LIMD1: variants seen among roughly 807,000 people sequenced by gnomAD.
The protein encoded by LIMD1 is LIM domain-containing protein 1.
LIMD1 carries 23 observed loss-of-function variants against 58.4 expected under a neutral mutation model. The ratio of observed to expected loss-of-function variants is 0.39; its 90% CI spans 0.28 to 0.56. LIMD1 has a LOEUF of 0.56. Among genes scored for constraint, LIMD1 ranks in the 20% least tolerant of loss-of-function variants. The pLI, the probability that LIMD1 is intolerant of heterozygous loss-of-function variation, is 0.57. For synonymous variants in LIMD1, 334 were observed against 345.5 expected (o/e 0.97, Z 0.37); for missense variants, 838 against 855.5 (o/e 0.98, Z 0.25).
At position 45,668,336 on chromosome 3, in the gene LIMD1, G is replaced by T; in HGVS notation, c.1621G>T (p.Gly541Ter). 6.2e-7 allele frequency: 1 copy of T among 1,612,708 alleles called. No homozygotes were observed. The highest frequency in any genetic ancestry group is 2.2e-5 in the East Asian group (1 of 44,854). ...GTCGGCTGACAGGTGTTTTCTTTGT[G>T]GACATCTGATCATGGACATGGTGAG... is the stretch of plus-strand genomic sequence containing the variant. Reference protein sequence around the residue: ...QQSADRCFLCGHLIMDMILQA... With the variant: ...QQSADRCFLC Residue 541 changes from glycine (G) to a stop codon, truncating the protein, a stop_gained, in exon 4 of 8, where the codon GGA (glycine) becomes TGA (stop). Coordinates refer to ENST00000273317, the MANE Select transcript of LIMD1 (RefSeq NM_014240.3). LOFTEE classifies it high-confidence loss of function.
In LIMD1 at chr3:45,671,983, T is replaced by G. The variant is rs185282267; in HGVS notation, c.1642-707T>G. Among the ~76,000 whole-genome samples, 7 of 152,336 alleles carry G rather than the reference T, an allele frequency of 4.6e-5. No individual in the cohort carries two copies. In the East Asian group the frequency reaches 1.2e-3, roughly 25 times the overall value. On this transcript the variant is annotated intron_variant, in intron 4 of 7. Transcript: ENST00000273317. Reference sequence around the variant, plus strand: ...GGGTCTGTCCTGGTTTCAGGTTGGCTCTGGCAGTTCCAGGTATCCCATCCA... The same window carrying G: ...GGGTCTGTCCTGGTTTCAGGTTGGCGCTGGCAGTTCCAGGTATCCCATCCA...
intron 1 of LIMD1, among the ~76,000 whole-genome samples, chr3:45,612,711 T>C (rs1183481384): frequency 6.6e-6 from 1 of 152,212 alleles, no homozygotes; most frequent in Non-Finnish European, 1.5e-5. Context: ...CAATTCTGAT[T>C]TTTTAAAATC....
chr3:45,606,677 A>C (rs1701470796), intron 1 of LIMD1, among the ~76,000 whole-genome samples: 1 of 152,214 alleles, frequency 6.6e-6, no homozygotes, highest in African/African-American at 2.4e-5. Context: ...CAAGTGCTGC[A>C]GGCATAGGTA....
At chr3:45,674,966 C>T (rs1402992031) in intron 7 of LIMD1, among the ~76,000 whole-genome samples, 1 of 152,196 alleles carries the variant, frequency 6.6e-6, no homozygotes, top group Non-Finnish European at 1.5e-5. Flanking sequence ...CTAGAGGTTG[C>T]CCCTCACCAA....
rs111347088 is a variant in LIMD1, at chr3:45,674,268, A to G, written c.1825-75A>G. ...ACCCCCAAAACCCTCTTCCCTCCCC[A>G]CCCCACGGTACATCAAGCCCGACAG... On this transcript the variant is annotated intron_variant, in intron 6 of 7. Transcript: ENST00000273317. The G allele has an allele frequency of 8.4e-4, 916 of 1,088,224 alleles. 5 individuals are homozygous for G. In the African/African-American group the frequency reaches 0.011, roughly 13 times the overall value. The allele number at this position is 1,088,224 out of a possible 1,614,324, so 67.4% of individuals were successfully genotyped here. A position where few individuals can be genotyped will look rare whatever the true frequency, so the allele number is the denominator to read the frequency against.
intron 2 of LIMD1, among the ~76,000 whole-genome samples, chr3:45,639,317 C>T (rs888364906): frequency 7.9e-5 from 12 of 152,324 alleles, no homozygotes; most frequent in Admixed American, 2.0e-4. Flanking sequence ...GGCTGTTTTC[C>T]ACCTCAAGCA....
In LIMD1 at chr3:45,636,071, G is replaced by A. The variant is rs76308264; in HGVS notation, c.1409-79G>A. 4,778 of 1,600,542 alleles carry A rather than the reference G, an allele frequency of 3.0e-3. 122 individuals are homozygous for A. The African/African-American group carries it at 0.057, about 19-fold the overall frequency. On this transcript the variant is annotated intron_variant, in intron 1 of 7. Coordinates refer to ENST00000273317, the MANE Select transcript of LIMD1 (RefSeq NM_014240.3). ...TGGCCATGGGGAGGGATGGTATTAT[G>A]CTTTGTTCATTGGCTTTTTTATGAC...
intron 7 of LIMD1, 43 bp from the exon 8 acceptor site, chr3:45,676,879 C>T: frequency 6.2e-7 from 1 of 1,607,622 alleles, no homozygotes; most frequent in Non-Finnish European, 8.5e-7. Flanking sequence ...GTCTTGCAGT[C>T]TGTTTTGTTT....
At position 45,672,376 on chromosome 3, in the gene LIMD1, T is replaced by A. The variant is rs140173014; in HGVS notation, c.1642-314T>A. Among the ~76,000 whole-genome samples the A allele has an allele frequency of 3.8e-4, 58 of 152,302 alleles. No individual in the cohort carries two copies. In the South Asian group the frequency reaches 8.9e-3, roughly 23 times the overall value. ...TGGCCCATCCCTTCCTTACCATCTC[T>A]TTCTCTTAAAGAACTATGCAAGAGT... On this transcript the variant is annotated intron_variant, in intron 4 of 7. Coordinates refer to ENST00000273317, the MANE Select transcript of LIMD1 (RefSeq NM_014240.3).
chr3:45,673,886 C>CAA (rs753659549), intron 6 of LIMD1: 391 of 191,832 alleles, frequency 2.0e-3, no homozygotes, highest in South Asian at 2.8e-3. Flanking sequence ...ACCTTGTCTC[C>CAA]AAAAAAAAAA....
At chr3:45,638,098 A>G (rs1468929344) in intron 2 of LIMD1, among the ~76,000 whole-genome samples, 1 of 152,074 alleles carries the variant, frequency 6.6e-6, no homozygotes, top group Non-Finnish European at 1.5e-5. Context: ...CCCTGTGGAG[A>G]TTGACCAGTT....
chr3:45,620,719 ACT>A lies in LIMD1; in HGVS notation c.1409-15428_1409-15427del, dbSNP rs141488000. The stretch of plus-strand genomic sequence containing the variant: ...ACTCCAACCTGGGCAACAGAGCAAG[ACT>A]CTGTCTCAAAAAACAAACAAAAAGA... On this transcript the variant is annotated intron_variant, in intron 1 of 7. Coordinates refer to ENST00000273317, the MANE Select transcript of LIMD1 (RefSeq NM_014240.3). Among the ~76,000 whole-genome samples the A allele has an allele frequency of 7.3e-3, 1,109 of 152,290 alleles. 45 individuals are homozygous for A. The East Asian group carries it at 0.098, about 14-fold the overall frequency.
At chr3:45,634,576 C>A (rs1196837599) in intron 1 of LIMD1, among the ~76,000 whole-genome samples, 1 of 152,172 alleles carries the variant, frequency 6.6e-6, no homozygotes, top group Non-Finnish European at 1.5e-5. Flanking sequence ...AGTATGGGGC[C>A]CTGCACTAAG....
At chr3:45,674,511 C>A in intron 7 of LIMD1, 100 bp downstream of exon 7, 2 of 866,294 alleles carry the variant, frequency 2.3e-6, no homozygotes, top group Non-Finnish European at 1.9e-6. Context: ...AAGATTCTGG[C>A]AAGGGTCAGC....
At chr3:45,631,203 A>AAATAAT (rs539498072) in intron 1 of LIMD1, among the ~76,000 whole-genome samples, 2 of 151,608 alleles carry the variant, frequency 1.3e-5, no homozygotes, top group South Asian at 2.1e-4. Flanking sequence ...ACTCTGTCTC[A>AAATAAT]AATAATAATA....
chr3:45,649,803 T>C (rs1458792578), intron 2 of LIMD1, among the ~76,000 whole-genome samples: 2 of 145,096 alleles, frequency 1.4e-5, no homozygotes, highest in African/African-American at 5.0e-5. Flanking sequence ...TTGCTGGATA[T>C]AGAATTCTAG....
Position 45,595,982 on chromosome 3 carries a change from T to A in LIMD1, c.1103T>A (p.Leu368Gln). Residue 368 changes from leucine (L) to glutamine (Q), a missense_variant, in exon 1 of 8, where the codon CTG (leucine) becomes CAG (glutamine). By Grantham distance (113) the Leu-to-Gln change is moderately radical (BLOSUM62 -2). Transcript: ENST00000273317. ...TCACAGCAGGGTGCGGTCCCTGGGCTGGGGCCGAAGCCTGGCTGCACAGAC... is the reference window on the plus strand; with the variant it reads ...TCACAGCAGGGTGCGGTCCCTGGGCAGGGGCCGAAGCCTGGCTGCACAGAC... ...DGSQQGAVPGLGPKPGCTDLG... is the reference protein window; with the variant it reads ...DGSQQGAVPGQGPKPGCTDLG... 1 of 1,614,196 alleles carries A rather than the reference T, an allele frequency of 6.2e-7. No homozygotes were observed. The highest frequency in any genetic ancestry group is 8.5e-7 in the Non-Finnish European group (1 of 1,180,034).
At chr3:45,647,709 T>C (rs1701921030) in intron 2 of LIMD1, among the ~76,000 whole-genome samples, 1 of 152,238 alleles carries the variant, frequency 6.6e-6, no homozygotes, top group Admixed American at 6.5e-5. Context: ...TCAGAGACCT[T>C]CAGCTACTTT....
At chr3:45,610,555 C>T (rs1219956544) in intron 1 of LIMD1, among the ~76,000 whole-genome samples, 1 of 152,154 alleles carries the variant, frequency 6.6e-6, no homozygotes, top group African/African-American at 2.4e-5. Flanking sequence ...TGCTGGCAGG[C>T]ATGCATGGTG....
Sources: allele counts gnomAD v4.1 joint callset (sites outside exome capture counted in the v4.1 genomes callset), GRCh38; gene constraint gnomAD v4.1.1; transcripts MANE v1.5; gene names NCBI Gene and HGNC (gene_info 2026-07-23, HGNC 2026-07-21).